CACNA1A: variants seen among roughly 807,000 people sequenced by gnomAD.
CACNA1A encodes voltage-dependent P/Q-type calcium channel subunit alpha-1A.
CACNA1A carries 57 observed loss-of-function variants against 262.4 expected under a neutral mutation model. The observed-to-expected ratio is 0.22, with a 90% CI of 0.18 to 0.27. CACNA1A has a LOEUF of 0.27. CACNA1A is among the 10% of genes least tolerant of loss of function. CACNA1A has a pLI of 1.00. For synonymous variants in CACNA1A, 1,431 were observed against 1,419.3 expected, an observed-to-expected ratio of 1.01 and a Z score of -0.18; for missense variants, 2,526 against 3,562.8, an observed-to-expected ratio of 0.71 and a Z score of 7.41.
Position 13,506,373 on chromosome 19 carries a change from C to A in CACNA1A, c.-149G>T. The A allele has an allele frequency of 1.6e-6, 1 of 638,360 alleles. No homozygotes were observed. 39.5% of individuals were successfully genotyped at this position (638,360 alleles called of 1,614,324 possible). A position where few individuals can be genotyped will look rare whatever the true frequency, so the allele number is the denominator to read the frequency against. On this transcript the variant is annotated 5_prime_UTR_variant, in exon 1 of 47. Coordinates refer to ENST00000360228, the MANE Select transcript of CACNA1A (RefSeq NM_001127222.2). ...CTGCGGAGACGCTCCACGGCCCAGCCCATCGGGCGGCGGCGGCTCGGCGCC... is the reference window on the plus strand; with the variant it reads ...CTGCGGAGACGCTCCACGGCCCAGCACATCGGGCGGCGGCGGCTCGGCGCC...
At chr19:13,286,456 G>A (rs1256734334) in intron 20 of CACNA1A, 47 bp downstream of exon 20, 11 of 947,968 alleles carry the variant, frequency 1.2e-5, no homozygotes, top group Non-Finnish European at 1.2e-5. Context: ...TCTGGCTCCA[G>A]GGACGCCAGG....
intron 6 of CACNA1A, among the ~76,000 whole-genome samples, chr19:13,343,120 TTTTC>T (rs1342653921): frequency 6.2e-5 from 9 of 145,784 alleles, no homozygotes; most frequent in East Asian, 4.4e-4. Context: ...TCTTTCTTTT[TTTTC>T]TTTCTTTTTT....
chr19:13,355,124 C>T (rs1037654602), intron 6 of CACNA1A, among the ~76,000 whole-genome samples: 6 of 152,148 alleles, frequency 3.9e-5, no homozygotes, highest in African/African-American at 1.4e-4. Context: ...GATCTGCCTG[C>T]CTCGGCCTCC....
In CACNA1A at chr19:13,210,484, G is replaced by C. The variant is rs536960590; in HGVS notation, c.6339+133C>G. ...ACACACAAGGATTGGGCTCCATGGA[G>C]GGGAGAGGGTGCGATTGCCAAAGAA... On this transcript the variant is annotated intron_variant, in intron 44 of 46. Transcript: ENST00000360228. 1.2e-4 allele frequency: 87 copies of C among 741,206 alleles called. 1 individual carries two copies. In the South Asian group the frequency reaches 1.5e-3, roughly 13 times the overall value. 45.9% of individuals were successfully genotyped at this position (741,206 alleles called of 1,614,324 possible).
At chr19:13,493,444 T>A (rs1278674774) in intron 1 of CACNA1A, among the ~76,000 whole-genome samples, 1 of 152,236 alleles carries the variant, frequency 6.6e-6, no homozygotes, top group Non-Finnish European at 1.5e-5. Context: ...TCCCCCTACA[T>A]TCGTGACAAC....
intron 10 of CACNA1A, among the ~76,000 whole-genome samples, chr19:13,320,237 CGA>C (rs146095824): frequency 0.18 from 22,611 of 126,732 alleles, 1,924 homozygotes; most frequent in African/African-American, 0.26. Context: ...TTCCACAGAT[CGA>C]GAGAGAGAGA....
chr19:13,221,230 C>CT (rs765390502), intron 38 of CACNA1A, among the ~76,000 whole-genome samples: 6 of 19,338 alleles, frequency 3.1e-4, no homozygotes, highest in Admixed American at 7.0e-4. Flanking sequence ...TTCTTTCTTT[C>CT]TTTCTTTTTT....
At chr19:13,237,264 C>T (rs779784964) in intron 31 of CACNA1A, among the ~76,000 whole-genome samples, 6 of 152,262 alleles carry the variant, frequency 3.9e-5, no homozygotes, top group Non-Finnish European at 8.8e-5. Context: ...AGGGTGAAGG[C>T]AGGAGGAGTA....
chr19:13,487,873 A>G (rs1009321212), intron 1 of CACNA1A, among the ~76,000 whole-genome samples: 5 of 150,854 alleles, frequency 3.3e-5, no homozygotes, highest in African/African-American at 1.2e-4. Context: ...TGGCACCATC[A>G]TTGTTCACTG....
In CACNA1A at chr19:13,506,125, C is replaced by T; in HGVS notation, c.100G>A (p.Gly34Arg). Residue 34 changes from glycine to arginine, a missense_variant, in exon 1 of 47, where the codon GGG (glycine) becomes AGG (arginine). Around this residue, in one of 17 missense-constraint regions of CACNA1A, gnomAD observed 65 missense variants for 75.6 expected, o/e 0.86. Transcript: ENST00000360228. Reference protein sequence around the residue: ...VVGSGGGRGAGGSRQGGQPGA... With the variant: ...VVGSGGGRGARGSRQGGQPGA... ...GGCTGCCCGCCCTGCCGGCTGCCCC[C>T]GGCTCCTCGCCCGCCTCCGCTGCCC... is the stretch of plus-strand genomic sequence containing the variant. 1 of 1,604,742 alleles carries T rather than the reference C, an allele frequency of 6.2e-7. No homozygotes were observed. Among genetic ancestry groups the T allele is most frequent in the Non-Finnish European group, 8.5e-7 (1 of 1,175,990 alleles).
At position 13,236,925 on chromosome 19, in the gene CACNA1A, G is replaced by A. The variant is rs576163506; in HGVS notation, c.4951-1195C>T. Reference sequence around the variant, plus strand: ...GGGGGGGTGGGACTCTCGAAGTCACGAGTGGGCCAAATCTAGCTAATAAAA... The same window carrying A: ...GGGGGGGTGGGACTCTCGAAGTCACAAGTGGGCCAAATCTAGCTAATAAAA... On this transcript the variant is annotated intron_variant, in intron 31 of 46. Coordinates refer to ENST00000360228, the MANE Select transcript of CACNA1A (RefSeq NM_001127222.2). This position sits in a 1 kb window ranked among gnomAD's most constrained non-coding sequence, Gnocchi z 4.6. 3.9e-5 allele frequency among the ~76,000 whole-genome samples: 6 copies of A among 152,134 alleles called. No individual in the cohort carries two copies. Among genetic ancestry groups the A allele is most frequent in the Non-Finnish European group, 5.9e-5 (4 of 68,022 alleles).
intron 45 of CACNA1A, 133 bp downstream of exon 45, chr19:13,209,179 G>T: frequency 7.6e-7 from 1 of 1,322,646 alleles, no homozygotes; most frequent in South Asian, 1.4e-5. Context: ...TGCAGCTGCT[G>T]CCTGGCCCCC....
intron 1 of CACNA1A, 116 bp downstream of exon 1, chr19:13,505,816 A>AC (rs927217710): frequency 3.0e-5 from 32 of 1,054,884 alleles, no homozygotes; most frequent in African/African-American, 6.4e-5. Context: ...CCCCTGGAAG[A>AC]CCCCCCTCCT....
intron 1 of CACNA1A, among the ~76,000 whole-genome samples, chr19:13,498,301 C>G (rs1189961733): frequency 1.3e-5 from 2 of 152,114 alleles, no homozygotes; most frequent in East Asian, 3.9e-4. Context: ...CTTCGCCCTC[C>G]TGCAAATGCT....
intron 26 of CACNA1A, 85 bp downstream of exon 26, chr19:13,261,365 A>C: frequency 8.3e-7 from 1 of 1,205,910 alleles, no homozygotes; most frequent in Middle Eastern, 2.6e-4. Context: ...CCAGTCTCTG[A>C]GCCCAAGTGG....
At chr19:13,439,777 G>A (rs1020149179) in intron 3 of CACNA1A, among the ~76,000 whole-genome samples, 4 of 151,988 alleles carry the variant, frequency 2.6e-5, no homozygotes, top group Admixed American at 6.6e-5. Flanking sequence ...GGGATTTTTA[G>A]GAAACTCAGA....
chr19:13,437,247 G>A (rs2060627702), intron 3 of CACNA1A, among the ~76,000 whole-genome samples: 1 of 152,228 alleles, frequency 6.6e-6, no homozygotes, highest in Non-Finnish European at 1.5e-5. Context: ...TAGCCACACA[G>A]AACTGTGAGA....
chr19:13,376,813 ATG>A (rs1166168856), intron 3 of CACNA1A, among the ~76,000 whole-genome samples: 1 of 76,678 alleles, frequency 1.3e-5, no homozygotes, highest in Non-Finnish European at 3.2e-5. Context: ...AATATATGTT[ATG>A]TGTGATATAT....
chr19:13,390,221 A>ATCC (rs1335047978), intron 3 of CACNA1A, among the ~76,000 whole-genome samples: 6 of 147,020 alleles, frequency 4.1e-5, no homozygotes, highest in African/African-American at 5.1e-5. Context: ...GGCTCAAGCA[A>ATCC]TCCTGTCTCA....
Sources: gnomAD v4.1 joint callset for allele counts (sites outside exome capture counted in the v4.1 genomes callset) on GRCh38, gnomAD v4.1.1 for gene constraint, gnomAD v4.1.1 regional missense constraint, Gnocchi (gnomAD v3.1) non-coding constraint, MANE v1.5 for transcripts, NCBI Gene and HGNC (gene_info 2026-07-23, HGNC 2026-07-21) for gene names.